Variants in COL6A1 observed in about 807,000 individuals in gnomAD.
COL6A1 encodes collagen alpha-1(VI) chain.
In COL6A1, 80 loss-of-function variants were observed where a neutral mutation model predicts 145.6. The ratio of observed to expected loss-of-function variants is 0.55; its 90% CI spans 0.46 to 0.66. The LOEUF is 0.66. COL6A1 is among the 30% of genes least tolerant of loss of function. COL6A1 has a pLI of 0.00. For synonymous variants in COL6A1, 638 were observed against 622.8 expected (o/e 1.02, Z -0.36); for missense variants, 1,364 against 1,473.8 (o/e 0.93, Z 1.22).
In COL6A1 at chr21:46,002,938, G is replaced by A. The variant is rs372239098; in HGVS notation, c.2435-182G>A. Among the ~76,000 whole-genome samples the A allele has an allele frequency of 9.6e-4, 143 of 148,264 alleles. 4 individuals are homozygous for A. The South Asian group carries it at 0.027, about 28-fold the overall frequency. ...AGCTCACTGTTACCTCCAGGGGCAC[G>A]GCCACCCTGTAGGTGCGCACGGGGC... On this transcript the variant is annotated intron_variant, in intron 33 of 34. Coordinates refer to ENST00000361866, the MANE Select transcript of COL6A1 (RefSeq NM_001848.3).
chr21:45,991,119 C>T (rs2077774664), intron 15 of COL6A1, 78 bp downstream of exon 15: 2 of 1,504,030 alleles, frequency 1.3e-6, no homozygotes, highest in Non-Finnish European at 1.8e-6. Context: ...CTCCTGGAAG[C>T]AAGTCCTGGT....
chr21:45,984,608 A>G (rs2077727047), intron 3 of COL6A1, 139 bp downstream of exon 3: 2 of 755,216 alleles, frequency 2.6e-6, no homozygotes, highest in Non-Finnish European at 4.5e-6. Context: ...TCCCTGACCC[A>G]CTTTGTGGGC....
intron 18 of COL6A1, 95 bp downstream of exon 18, chr21:45,992,493 C>A: frequency 7.0e-7 from 1 of 1,423,666 alleles, no homozygotes; most frequent in South Asian, 1.2e-5. Flanking sequence ...GCACTGAGAG[C>A]CATGGCCTCC....
chr21:45,987,282 C>T lies in COL6A1; in HGVS notation c.738+107C>T, dbSNP rs965382563. ...CCCTATGCATATCCGCCCATGTGCCCGGGACACATGTCCCCTGCGTGTCTG... is the reference window on the plus strand; with the variant it reads ...CCCTATGCATATCCGCCCATGTGCCTGGGACACATGTCCCCTGCGTGTCTG... On this transcript the variant is annotated intron_variant, in intron 6 of 34. Coordinates refer to ENST00000361866, the MANE Select transcript of COL6A1 (RefSeq NM_001848.3). The T allele has an allele frequency of 5.7e-5, 89 of 1,549,918 alleles. No homozygotes were observed. In the Middle Eastern group the frequency reaches 6.9e-4, roughly 12 times the overall value.
In COL6A1 at chr21:46,001,943, C is replaced by A; in HGVS notation, c.1957-18C>A. On this transcript the variant is annotated intron_variant, in intron 30 of 34. Transcript: ENST00000361866. ...CTGGGGCAGCACTCGCGTCCTGACC[C>A]CGGTGCCGGTCCCACAGTTCGAGCC... is the stretch of plus-strand genomic sequence containing the variant. The A allele has an allele frequency of 6.2e-7, 1 of 1,608,910 alleles. No homozygotes were observed. Among genetic ancestry groups the A allele is most frequent in the Non-Finnish European group, 8.5e-7 (1 of 1,178,054 alleles).
At chr21:45,982,509 G>C (rs2072698) in intron 1 of COL6A1, 125 bp from the exon 2 acceptor site, 1 of 1,407,460 alleles carries the variant, frequency 7.1e-7, no homozygotes, top group Non-Finnish European at 9.8e-7. Flanking sequence ...GCCTTTTCCC[G>C]GGAGAGCCTC....
Position 45,994,542 on chromosome 21 carries a change from G to A in COL6A1, c.1398+313G>A, listed in dbSNP as rs1023716633. On this transcript the variant is annotated intron_variant, in intron 20 of 34. Coordinates refer to ENST00000361866, the MANE Select transcript of COL6A1 (RefSeq NM_001848.3). The surrounding 1 kb of genome is among the most constrained non-coding windows in gnomAD (Gnocchi z 6.8). ...GCCTCACAGTGAGGAAGAGGTGTTG[G>A]AGCCCCTGGGAGACACTGGGAGCTT... Among the ~76,000 whole-genome samples the A allele has an allele frequency of 1.3e-5, 2 of 152,130 alleles. No individual in the cohort carries two copies. Among genetic ancestry groups the A allele is most frequent in the Non-Finnish European group, 2.9e-5 (2 of 68,026 alleles).
chr21:45,983,463 G>A lies in COL6A1; in HGVS notation c.227+700G>A, dbSNP rs992765338. Reference sequence around the variant, plus strand: ...CTGGCAGTGGGGACACAGCTTAGCCGGCGTAGGAACCCCCGTCCTCCTTGA... The same window carrying A: ...CTGGCAGTGGGGACACAGCTTAGCCAGCGTAGGAACCCCCGTCCTCCTTGA... On this transcript the variant is annotated intron_variant, in intron 2 of 34. Transcript: ENST00000361866. Among the ~76,000 whole-genome samples, 8 of 152,220 alleles carry A rather than the reference G, an allele frequency of 5.3e-5. 1 individual carries two copies. The highest frequency in any genetic ancestry group is 6.8e-3 in the Middle Eastern group (2 of 294).
chr21:45,997,631 G>A (rs1273718635), intron 21 of COL6A1, 69 bp from the exon 22 acceptor site: 1 of 1,553,922 alleles, frequency 6.4e-7, no homozygotes, highest in Admixed American at 1.9e-5. Flanking sequence ...CCGGCCCCAG[G>A]AGGGCCCTGC....
Position 46,002,561 on chromosome 21 carries a change from T to C in COL6A1, c.2285T>C (p.Phe762Ser), listed in dbSNP as rs886042688. 3 of 1,614,126 alleles carry C rather than the reference T, an allele frequency of 1.9e-6. No individual in the cohort carries two copies. The highest frequency in any genetic ancestry group is 2.5e-6 in the Non-Finnish European group (3 of 1,180,006). Reference sequence around the variant, plus strand: ...GTGGGCATCAAAGACGTGTTTGACTTCATCCCAGGCTCAGACCAGCTCAAT... The same window carrying C: ...GTGGGCATCAAAGACGTGTTTGACTCCATCCCAGGCTCAGACCAGCTCAAT... ...VSVGIKDVFD[F>S]IPGSDQLNVI... The change falls in exon 33 of 35, where the codon TTC becomes TCC. Residue 762 changes from phenylalanine (F) to serine (S), a missense_variant. Physicochemically the swap from Phe to Ser is radical, Grantham distance 155 (BLOSUM62 -2). Around this residue, in one of 3 missense-constraint regions of COL6A1, gnomAD observed 938 missense variants for 1,003.8 expected, o/e 0.93. Transcript: ENST00000361866.
At position 46,004,374 on chromosome 21, in the gene COL6A1, C is replaced by A. The variant is rs370312044; in HGVS notation, c.*361C>A. 11 of 365,640 alleles carry A rather than the reference C, an allele frequency of 3.0e-5. No homozygotes were observed. The East Asian group carries it at 5.1e-4, about 17-fold the overall frequency. The allele number at this position is 365,640 out of a possible 1,614,324, so 22.6% of individuals were successfully genotyped here. ...CCACCCCGGGCTCTCCTGCCCTGCCCTCCTGCCCGCCCTCCCTCCTGCCTG... is the reference window on the plus strand; with the variant it reads ...CCACCCCGGGCTCTCCTGCCCTGCCATCCTGCCCGCCCTCCCTCCTGCCTG... On this transcript the variant is annotated 3_prime_UTR_variant, in exon 35 of 35. Coordinates refer to ENST00000361866, the MANE Select transcript of COL6A1 (RefSeq NM_001848.3).
Position 45,989,575 on chromosome 21 carries a change from G to A in COL6A1, c.859-33G>A, listed in dbSNP as rs201911843. 1.9e-4 allele frequency: 309 copies of A among 1,609,306 alleles called. 1 individual carries two copies. The highest frequency in any genetic ancestry group is 1.8e-4 in the Middle Eastern group (1 of 5,444). On this transcript the variant is annotated intron_variant, in intron 9 of 34. Coordinates refer to ENST00000361866, the MANE Select transcript of COL6A1 (RefSeq NM_001848.3). The stretch of plus-strand genomic sequence containing the variant: ...GACTGGCCCCTGCCCCTGCTCCTCC[G>A]GGGGTGTCTCACCATCTCCTCCTGT...
At position 46,003,783 on chromosome 21, in the gene COL6A1, G is replaced by T. The variant is rs150378645; in HGVS notation, c.2857G>T (p.Ala953Ser). Residue 953 changes from alanine to serine, a missense_variant, in exon 35 of 35, where the codon GCT becomes TCT. By Grantham distance (99) the Ala-to-Ser change is moderately conservative. This residue lies in a region of COL6A1 where 938 missense variants were observed against 1,003.8 expected (regional missense o/e 0.93). Coordinates refer to ENST00000361866, the MANE Select transcript of COL6A1 (RefSeq NM_001848.3). ...SDGNSQGATP[A>S]AIEKAVQEAQ... ...TGGCAACTCGCAGGGCGCCACGCCC[G>T]CTGCCATCGAGAAGGCCGTGCAGGA... 3.1e-6 allele frequency: 5 copies of T among 1,611,530 alleles called. No homozygotes were observed. The African/African-American group carries it at 5.3e-5, about 17-fold the overall frequency.
intron 19 of COL6A1, 123 bp downstream of exon 19, chr21:45,992,933 A>C: frequency 1.2e-6 from 1 of 841,516 alleles, no homozygotes. Flanking sequence ...CAACGTGGCC[A>C]GCCCATCCCC....
intron 14 of COL6A1, 25 bp downstream of exon 14, chr21:45,990,851 C>CTTTAAAACTAG: frequency 1.9e-6 from 3 of 1,612,944 alleles, no homozygotes; most frequent in Non-Finnish European, 2.5e-6. Context: ...CTCACTGATA[C>CTTTAAAACTAG]TTTAAAACTA....
At position 46,004,028 on chromosome 21, in the gene COL6A1, C is replaced by G; in HGVS notation, c.*15C>G. The G allele has an allele frequency of 1.2e-6, 2 of 1,612,982 alleles. No homozygotes were observed. The highest frequency in any genetic ancestry group is 8.5e-7 in the Non-Finnish European group (1 of 1,179,994). ...CGCTGGGCTAGCCCACCCTGCACGC[C>G]GGCACCAAACCCTGTCCTCCCACCC... On this transcript the variant is annotated 3_prime_UTR_variant, in exon 35 of 35. Coordinates refer to ENST00000361866, the MANE Select transcript of COL6A1 (RefSeq NM_001848.3).
Position 46,002,404 on chromosome 21 carries a change from G to T in COL6A1, c.2250+3G>T. The T allele has an allele frequency of 6.2e-7, 1 of 1,606,148 alleles. No homozygotes were observed. Among genetic ancestry groups the T allele is most frequent in the Admixed American group, 1.7e-5 (1 of 58,620 alleles). Reference sequence around the variant, plus strand: ...TGCTCTGCAGCCCCGGCATCCAGGTGGGGTGGCCACCCCCAGGCTGCACCT... The same window carrying T: ...TGCTCTGCAGCCCCGGCATCCAGGTTGGGTGGCCACCCCCAGGCTGCACCT... On this transcript the variant is annotated splice_donor_region_variant and intron_variant, in intron 32 of 34. Transcript: ENST00000361866.
Position 45,994,285 on chromosome 21 carries a change from A to C in COL6A1, c.1398+56A>C. On this transcript the variant is annotated intron_variant, in intron 20 of 34. Coordinates refer to ENST00000361866, the MANE Select transcript of COL6A1 (RefSeq NM_001848.3). The surrounding 1 kb of genome is among the most constrained non-coding windows in gnomAD (Gnocchi z 6.8). Reference sequence around the variant, plus strand: ...GGCCAATTTGGGTTTTGGGGGTAGAAGTGCTCCAGCAGCTCACGCACTGGG... The same window carrying C: ...GGCCAATTTGGGTTTTGGGGGTAGACGTGCTCCAGCAGCTCACGCACTGGG... The C allele has an allele frequency of 6.6e-7, 1 of 1,523,528 alleles. No individual in the cohort carries two copies. The highest frequency in any genetic ancestry group is 9.0e-7 in the Non-Finnish European group (1 of 1,113,834). 94.4% of individuals were successfully genotyped at this position (1,523,528 alleles called of 1,614,324 possible). A position where few individuals can be genotyped will look rare whatever the true frequency, so the allele number is the denominator to read the frequency against.
At chr21:46,001,172 G>T in intron 29 of COL6A1, 81 bp from the exon 30 acceptor site, 2 of 1,560,690 alleles carry the variant, frequency 1.3e-6, no homozygotes, top group East Asian at 2.3e-5. Context: ...GGCAGCCAAG[G>T]AGGGGCCAGG....
Sources: gnomAD v4.1 joint callset for allele counts (sites outside exome capture counted in the v4.1 genomes callset) on GRCh38, gnomAD v4.1.1 for gene constraint, gnomAD v4.1.1 regional missense constraint, Gnocchi (gnomAD v3.1) non-coding constraint, MANE v1.5 for transcripts, NCBI Gene and HGNC (gene_info 2026-07-23, HGNC 2026-07-21) for gene names.